Variants in TGS1 observed in about 807,000 individuals in gnomAD.
TGS1 encodes the protein trimethylguanosine synthase.
In TGS1, 69 loss-of-function variants were observed where a neutral mutation model predicts 92.2. The observed-to-expected ratio is 0.75, with a 90% CI of 0.62 to 0.91. The LOEUF (loss-of-function observed/expected upper bound fraction) is 0.91, where lower values mean the gene tolerates loss of function less well. TGS1 is among the 40% of genes least tolerant of loss of function. The pLI is 0.00. For synonymous variants in TGS1, 345 were observed against 338.1 expected (o/e 1.02, Z -0.22); for missense variants, 1,062 against 1,001.2 (o/e 1.06, Z -0.82).
chr8:55,817,426 T>C (rs1803512072), intron 12 of TGS1, among the ~76,000 whole-genome samples: 1 of 152,232 alleles, frequency 6.6e-6, no homozygotes, highest in African/African-American at 2.4e-5. Context: ...TATGAAAAAC[T>C]ATTAGGTAAT....
chr8:55,824,718 G>A lies in TGS1; in HGVS notation c.*15G>A, dbSNP rs765212992. The A allele has an allele frequency of 1.9e-5, 30 of 1,613,820 alleles. No homozygotes were observed. In the East Asian group the frequency reaches 2.5e-4, roughly 13 times the overall value. On this transcript the variant is annotated 3_prime_UTR_variant, in exon 13 of 13. Transcript: ENST00000260129. ...CTGAAACCTAACTATGCAGCAGTGC[G>A]AGGACAAAAGATCATGGAGTGGTCA...
intron 12 of TGS1, among the ~76,000 whole-genome samples, chr8:55,822,871 G>C (rs563457128): frequency 6.6e-6 from 1 of 152,154 alleles, no homozygotes; most frequent in Non-Finnish European, 1.5e-5. Context: ...CCAGAAGCTG[G>C]GGTGGTATGC....
At chr8:55,813,287 A>G (rs569511106) in intron 12 of TGS1, among the ~76,000 whole-genome samples, 169 bp downstream of exon 12, 2 of 152,350 alleles carry the variant, frequency 1.3e-5, no homozygotes, top group Non-Finnish European at 1.5e-5. Context: ...TGTCTATTAC[A>G]TCGTCTTCAT....
At chr8:55,795,451 G>T (rs766581130) in intron 6 of TGS1, among the ~76,000 whole-genome samples, 23 of 152,242 alleles carry the variant, frequency 1.5e-4, no homozygotes, top group African/African-American at 5.1e-4. Context: ...ATAATCAAAG[G>T]AGGCTTCATA....
chr8:55,790,429 G>C lies in TGS1; in HGVS notation c.1280+130G>C, dbSNP rs539096168. 4.1e-4 allele frequency: 271 copies of C among 656,992 alleles called. 2 individuals are homozygous for C. In the Middle Eastern group the frequency reaches 8.0e-3, roughly 19 times the overall value. 40.7% of individuals were successfully genotyped at this position (656,992 alleles called of 1,614,324 possible). ...ATGTAAGAAGAGGCAGGATCTACTG[G>C]TAAGATTCTGAGCCTTTGGACCTGG... On this transcript the variant is annotated intron_variant, in intron 5 of 12. Transcript: ENST00000260129.
chr8:55,823,621 G>T (rs1032016504), intron 12 of TGS1, among the ~76,000 whole-genome samples: 9 of 152,156 alleles, frequency 5.9e-5, no homozygotes, highest in African/African-American at 1.9e-4. Context: ...TGAGAGTAGG[G>T]ATCCTGGCCT....
At chr8:55,785,663 A>G in intron 2 of TGS1, 56 bp from the exon 3 acceptor site, 2 of 1,329,752 alleles carry the variant, frequency 1.5e-6, no homozygotes, top group Non-Finnish European at 2.0e-6. Context: ...AATGAGAATA[A>G]GAAAACCTGC....
chr8:55,773,581 C>G lies in TGS1; in HGVS notation c.-38C>G. ...GAGCGGAGGCCCGGCAGGCGCGACC[C>G]GGGCTGCGTACGTCAGAGCTGCCTC... On this transcript the variant is annotated 5_prime_UTR_variant, in exon 1 of 13. Transcript: ENST00000260129. 3 of 1,548,540 alleles carry G rather than the reference C, an allele frequency of 1.9e-6. No homozygotes were observed. Among genetic ancestry groups the G allele is most frequent in the South Asian group, 1.2e-5 (1 of 86,954 alleles).
In TGS1 at chr8:55,804,969, CGTT is replaced by C. The variant is rs1347864435; in HGVS notation, c.2079_2081del (p.Val695del). On this transcript the variant is annotated inframe_deletion, in exon 10 of 13. Transcript: ENST00000260129. ...GTGTTAGTCAGTCCTTCAAGTGTGACGTTGTAGTAGACGCATTCTGTGGAGTTG... is the reference window on the plus strand; with the variant it reads ...GTGTTAGTCAGTCCTTCAAGTGTGACGTAGTAGACGCATTCTGTGGAGTTG... The C allele has an allele frequency of 1.2e-6, 2 of 1,613,858 alleles. No homozygotes were observed. Among genetic ancestry groups the C allele is most frequent in the Non-Finnish European group, 1.7e-6 (2 of 1,179,908 alleles).
chr8:55,777,793 C>T (rs1811441813), intron 1 of TGS1, among the ~76,000 whole-genome samples: 1 of 152,112 alleles, frequency 6.6e-6, no homozygotes, highest in South Asian at 2.1e-4. Context: ...CCTTGGCCTC[C>T]CAAAGTGCTG....
intron 1 of TGS1, among the ~76,000 whole-genome samples, chr8:55,779,281 GT>G (rs2130103349): frequency 6.6e-6 from 1 of 152,314 alleles, no homozygotes; most frequent in African/African-American, 2.4e-5. Flanking sequence ...AAAGTTTTAA[GT>G]AAGAAACAGT....
chr8:55,810,977 A>G lies in TGS1; in HGVS notation c.2240A>G (p.Asp747Gly), dbSNP rs1363975367. 6.2e-7 allele frequency: 1 copy of G among 1,614,108 alleles called. No homozygotes were observed. The highest frequency in any genetic ancestry group is 8.5e-7 in the Non-Finnish European group (1 of 1,180,002). The change falls in exon 11 of 13, where the codon GAT becomes GGT. Residue 747 changes from aspartate (D) to glycine (G), a missense_variant. Coordinates refer to ENST00000260129, the MANE Select transcript of TGS1 (RefSeq NM_024831.8). ...IADKIEFICGDFLLLASFLKA... is the reference protein window; with the variant it reads ...IADKIEFICGGFLLLASFLKA... ...GATAAGATAGAGTTCATCTGTGGAGATTTCTTGCTGCTGGCTTCTTTTTTA... is the reference window on the plus strand; with the variant it reads ...GATAAGATAGAGTTCATCTGTGGAGGTTTCTTGCTGCTGGCTTCTTTTTTA...
At chr8:55,823,496 G>A (rs963052679) in intron 12 of TGS1, among the ~76,000 whole-genome samples, 3 of 152,138 alleles carry the variant, frequency 2.0e-5, no homozygotes, top group Non-Finnish European at 2.9e-5. Flanking sequence ...CACAATTGTT[G>A]TAGAAAGCAT....
intron 10 of TGS1, among the ~76,000 whole-genome samples, chr8:55,809,731 A>G (rs1226472746): frequency 1.3e-5 from 2 of 152,224 alleles, no homozygotes; most frequent in Non-Finnish European, 2.9e-5. Context: ...CACCGTGCCC[A>G]GCCAGCATTT....
chr8:55,804,023 TTACTC>T (rs1812293097), intron 9 of TGS1, among the ~76,000 whole-genome samples: 1 of 152,314 alleles, frequency 6.6e-6, no homozygotes, highest in Non-Finnish European at 1.5e-5. Context: ...AGTATTCTCT[TTACTC>T]TAGAGTGGAC....
intron 10 of TGS1, among the ~76,000 whole-genome samples, chr8:55,805,715 G>A (rs776369654): frequency 6.6e-6 from 1 of 151,608 alleles, no homozygotes; most frequent in Non-Finnish European, 1.5e-5. Flanking sequence ...GTGAAACCCC[G>A]TCTACTAAAA....
intron 1 of TGS1, among the ~76,000 whole-genome samples, chr8:55,777,046 C>T (rs1811421060): frequency 6.6e-6 from 1 of 151,666 alleles, no homozygotes; most frequent in Non-Finnish European, 1.5e-5. Flanking sequence ...CTCACTTTGT[C>T]ACCCAGGCTG....
rs890104524 is a variant in TGS1 at position 55,824,123 on chromosome 8, A to AAAAT, written c.2440-443_2440-440dup. 2.1e-4 allele frequency among the ~76,000 whole-genome samples: 32 copies of AAAAT among 152,182 alleles called. 2 individuals are homozygous for AAAAT. Among genetic ancestry groups the AAAAT allele is most frequent in the Admixed American group, 1.8e-3 (27 of 15,282 alleles). ...AGAGTAGGACTCTATCTCAAAAAAC[A>AAAAT]AAATAAATAAATAAATAACATGACT... On this transcript the variant is annotated intron_variant, in intron 12 of 12. Coordinates refer to ENST00000260129, the MANE Select transcript of TGS1 (RefSeq NM_024831.8).
chr8:55,789,298 A>G (rs1449103565), intron 4 of TGS1, among the ~76,000 whole-genome samples: 1 of 152,186 alleles, frequency 6.6e-6, no homozygotes, highest in African/African-American at 2.4e-5. Context: ...TGTCACCATA[A>G]GTTAAAGAAC....
Sources: allele counts gnomAD v4.1 joint callset (sites outside exome capture counted in the v4.1 genomes callset), GRCh38; gene constraint gnomAD v4.1.1; transcripts MANE v1.5; gene names NCBI Gene and HGNC (gene_info 2026-07-23, HGNC 2026-07-21).